Variants in MAP1B observed in about 807,000 individuals in gnomAD.
MAP1B encodes microtubule associated protein 1B, also known as microtubule-associated protein 1B.
A neutral mutation model predicts 176.1 loss-of-function variants in MAP1B; 12 were observed. The ratio of observed to expected loss-of-function variants is 0.07; its 90% confidence interval spans 0.04 to 0.11. The LOEUF is 0.11. MAP1B is among the 10% of genes least tolerant of loss of function. The pLI, the probability that MAP1B is intolerant of heterozygous loss-of-function variation, is 1.00. For missense variants in MAP1B, 2,523 were observed against 2,990.5 expected, an observed-to-expected ratio of 0.84 and a Z score of 3.65; for synonymous variants, 1,044 against 1,135.0, an observed-to-expected ratio of 0.92 and a Z score of 1.61.
intron 2 of MAP1B, among the ~76,000 whole-genome samples, chr5:72,155,399 C>T (rs1746210111): frequency 2.0e-5 from 3 of 152,062 alleles, no homozygotes; most frequent in South Asian, 4.1e-4. Flanking sequence ...TGTGTTGGCA[C>T]AAAAATGGAG....
chr5:72,178,054 G>GT (rs1746686995), intron 2 of MAP1B, among the ~76,000 whole-genome samples: 1 of 152,044 alleles, frequency 6.6e-6, no homozygotes. Context: ...CCAGGCCGGA[G>GT]TGCAATGGCA....
At position 72,115,733 on chromosome 5, in the gene MAP1B, A is replaced by T; in HGVS notation, c.220A>T (p.Asn74Tyr). Residue 74 changes from asparagine to tyrosine, a missense_variant, in exon 2 of 7, where the codon AAC (asparagine) becomes TAC (tyrosine). Around this residue, in one of 4 missense-constraint regions of MAP1B, gnomAD observed 307 missense variants for 438.4 expected, o/e 0.70. Coordinates refer to ENST00000296755, the MANE Select transcript of MAP1B (RefSeq NM_005909.5). ...RSWDTNLIECNLDQELKLFVS... is the reference protein window; with the variant it reads ...RSWDTNLIECYLDQELKLFVS... ...ATGGGACACAAACCTGATTGAATGC[A>T]ACTTGGACCAAGAACTCAAACTTTT... 1 of 1,613,840 alleles carries T rather than the reference A, an allele frequency of 6.2e-7. No homozygotes were observed. Among genetic ancestry groups the T allele is most frequent in the South Asian group, 1.1e-5 (1 of 91,068 alleles).
At chr5:72,189,275 C>T (rs1337767953) in intron 4 of MAP1B, among the ~76,000 whole-genome samples, 1 of 152,104 alleles carries the variant, frequency 6.6e-6, no homozygotes, top group Non-Finnish European at 1.5e-5. Flanking sequence ...GTCTGGCTAA[C>T]CCCACTCCTC....
At chr5:72,119,619 C>A (rs146184206) in intron 2 of MAP1B, among the ~76,000 whole-genome samples, 1 of 152,148 alleles carries the variant, frequency 6.6e-6, no homozygotes, top group East Asian at 1.9e-4. Flanking sequence ...ATGATCCCCC[C>A]ACCTCAGCCT....
chr5:72,187,396 A>G (rs1746931298), intron 4 of MAP1B, among the ~76,000 whole-genome samples: 1 of 152,228 alleles, frequency 6.6e-6, no homozygotes, highest in Non-Finnish European at 1.5e-5. Flanking sequence ...GTAAAATGAG[A>G]TCAAAGATTT....
At chr5:72,108,568 C>T (rs1301375452) in intron 1 of MAP1B, among the ~76,000 whole-genome samples, 1 of 152,188 alleles carries the variant, frequency 6.6e-6, no homozygotes, top group Non-Finnish European at 1.5e-5. Context: ...AGCGGTACGC[C>T]GGGGACCCTG....
At chr5:72,168,482 T>A (rs1746472931) in intron 2 of MAP1B, among the ~76,000 whole-genome samples, 1 of 152,214 alleles carries the variant, frequency 6.6e-6, no homozygotes, top group Non-Finnish European at 1.5e-5. Context: ...TTGCATATAT[T>A]CCAAGTGTAT....
rs1018267112 is a variant in MAP1B at position 72,207,627 on chromosome 5, C to T, written c.*2388C>T. 7 of 152,092 alleles carry T rather than the reference C, an allele frequency of 4.6e-5. No individual in the cohort carries two copies. The highest frequency in any genetic ancestry group is 1.4e-4 in the African/African-American group (6 of 41,392). The allele number at this position is 152,092 out of a possible 1,614,324, so 9.4% of individuals were successfully genotyped here. ...ACACATGATGGAAAAGTCATTGTGA[C>T]GCCAATGAATTTCATTGAGTATAAA... is the stretch of plus-strand genomic sequence containing the variant. On this transcript the variant is annotated 3_prime_UTR_variant, in exon 7 of 7. Transcript: ENST00000296755.
In MAP1B at chr5:72,135,844, T is replaced by C. The variant is rs531500627; in HGVS notation, c.286+20045T>C. Among the ~76,000 whole-genome samples, 5 of 152,336 alleles carry C rather than the reference T, an allele frequency of 3.3e-5. No homozygotes were observed. The East Asian group carries it at 7.7e-4, about 23-fold the overall frequency. Reference sequence around the variant, plus strand: ...CTGGTGAGCTATTTCTTTTTCCTCATTGGACTTTTCATGTCCAATTACCTA... The same window carrying C: ...CTGGTGAGCTATTTCTTTTTCCTCACTGGACTTTTCATGTCCAATTACCTA... On this transcript the variant is annotated intron_variant, in intron 2 of 6. Transcript: ENST00000296755.
At chr5:72,127,194 G>A (rs948360536) in intron 2 of MAP1B, among the ~76,000 whole-genome samples, 9 of 152,224 alleles carry the variant, frequency 5.9e-5, no homozygotes, top group African/African-American at 1.9e-4. Context: ...ATTTTAATAA[G>A]CATGGTCAAC....
chr5:72,125,416 G>A (rs1745609451), intron 2 of MAP1B, among the ~76,000 whole-genome samples: 1 of 152,060 alleles, frequency 6.6e-6, no homozygotes, highest in South Asian at 2.1e-4. Context: ...ATTTTATATG[G>A]TATCTCCTTT....
intron 2 of MAP1B, among the ~76,000 whole-genome samples, chr5:72,117,773 C>T (rs988479964): frequency 2.1e-4 from 32 of 152,348 alleles, no homozygotes; most frequent in Middle Eastern, 3.4e-3. Flanking sequence ...ACTGATATTA[C>T]GACTTTCCCT....
chr5:72,157,484 G>A (rs750514658), intron 2 of MAP1B, among the ~76,000 whole-genome samples: 1 of 152,244 alleles, frequency 6.6e-6, no homozygotes, highest in Admixed American at 6.5e-5. Flanking sequence ...GATGCAGCCA[G>A]TGAGAGCCAA....
chr5:72,181,752 C>T (rs1475036268), intron 2 of MAP1B, among the ~76,000 whole-genome samples: 3 of 145,776 alleles, frequency 2.1e-5, no homozygotes, highest in Admixed American at 6.9e-5. Flanking sequence ...GACGGAGTCT[C>T]GCACTGTTGT....
chr5:72,199,065 T>A lies in MAP1B; in HGVS notation c.5710T>A (p.Tyr1904Asn). 6.2e-7 allele frequency: 1 copy of A among 1,614,110 alleles called. No individual in the cohort carries two copies. The highest frequency in any genetic ancestry group is 8.5e-7 in the Non-Finnish European group (1 of 1,179,984). The change falls in exon 5 of 7, where the codon TAT becomes AAT. Residue 1904 changes from tyrosine (Y) to asparagine (N), a missense_variant. This residue lies in a region of MAP1B where 1,925 missense variants were observed against 2,126.0 expected (regional missense o/e 0.91). Coordinates refer to ENST00000296755, the MANE Select transcript of MAP1B (RefSeq NM_005909.5). This position sits in a 1 kb window ranked among gnomAD's most constrained non-coding sequence, Gnocchi z 4.2. ...KTTRTSDVGGYYYEKIERTTK... is the reference protein window; with the variant it reads ...KTTRTSDVGGNYYEKIERTTK... ...CACCCGGACCTCAGATGTGGGTGGC[T>A]ATTACTATGAGAAGATAGAGAGAAC...
intron 1 of MAP1B, among the ~76,000 whole-genome samples, chr5:72,108,466 G>C (rs953522914): frequency 6.6e-6 from 1 of 152,258 alleles, no homozygotes; most frequent in East Asian, 1.9e-4. Context: ...GGGAGTGGTA[G>C]CTTGAAGGGG....
At position 72,207,878 on chromosome 5, in the gene MAP1B, T is replaced by C. The variant is rs1392318048; in HGVS notation, c.*2639T>C. Reference sequence around the variant, plus strand: ...ATTTAACCTGAACATTATTTTGCTTTAAAAACTATAAACATTGTAGGAGAA... The same window carrying C: ...ATTTAACCTGAACATTATTTTGCTTCAAAAACTATAAACATTGTAGGAGAA... On this transcript the variant is annotated 3_prime_UTR_variant, in exon 7 of 7. Coordinates refer to ENST00000296755, the MANE Select transcript of MAP1B (RefSeq NM_005909.5). 1 of 151,920 alleles carries C rather than the reference T, an allele frequency of 6.6e-6. No homozygotes were observed. Among genetic ancestry groups the C allele is most frequent in the Non-Finnish European group, 1.5e-5 (1 of 67,968 alleles). 9.4% of individuals were successfully genotyped at this position (151,920 alleles called of 1,614,324 possible). A position where few individuals can be genotyped will look rare whatever the true frequency, so the allele number is the denominator to read the frequency against.
chr5:72,164,168 T>G (rs3112406), intron 2 of MAP1B, among the ~76,000 whole-genome samples: 112,783 of 151,676 alleles, frequency 0.74, 43,570 homozygotes, highest in South Asian at 0.92. Flanking sequence ...TGGGTTCAAG[T>G]GATCCTCCTG....
intron 2 of MAP1B, among the ~76,000 whole-genome samples, chr5:72,156,690 A>G (rs1746235342): frequency 6.6e-6 from 1 of 152,218 alleles, no homozygotes; most frequent in Non-Finnish European, 1.5e-5. Context: ...CCCATTTTGC[A>G]AACCAGGACT....
Sources: gnomAD v4.1 joint callset for allele counts (sites outside exome capture counted in the v4.1 genomes callset) on GRCh38, gnomAD v4.1.1 for gene constraint, gnomAD v4.1.1 regional missense constraint, Gnocchi (gnomAD v3.1) non-coding constraint, MANE v1.5 for transcripts, NCBI Gene and HGNC (gene_info 2026-07-23, HGNC 2026-07-21) for gene names.